The following SREK1IP1 variants were observed in gnomAD, a reference collection of about 807,000 sequenced individuals.
SREK1IP1 encodes SREK1 interacting protein 1.
Under a neutral mutation model 22.8 loss-of-function variants are expected in SREK1IP1, and 12 were observed. That is an observed-to-expected ratio of 0.53 (90% CI 0.34 to 0.85). SREK1IP1 has a LOEUF of 0.85. Ranked by LOEUF, SREK1IP1 falls within the 40% of genes least tolerant of loss-of-function variation. The pLI is 0.02. For missense variants in SREK1IP1, 147 were observed against 171.8 expected (o/e 0.86, Z 0.81); for synonymous variants, 53 against 52.7 (o/e 1.01, Z -0.02).
At chr5:64,744,357 G>T (rs1000989169) in intron 2 of SREK1IP1, among the ~76,000 whole-genome samples, 23 of 151,966 alleles carry the variant, frequency 1.5e-4, no homozygotes, top group Admixed American at 1.5e-3. Context: ...CCTTTCTTTC[G>T]TTCCTGCTTT....
intron 3 of SREK1IP1, among the ~76,000 whole-genome samples, chr5:64,738,302 A>C (rs1327193351): frequency 2.0e-5 from 3 of 152,204 alleles, no homozygotes; most frequent in Non-Finnish European, 4.4e-5. Flanking sequence ...ACATCACATT[A>C]AGAAAGGAAG....
chr5:64,743,760 G>A (rs1325209335), intron 2 of SREK1IP1, among the ~76,000 whole-genome samples: 1 of 152,056 alleles, frequency 6.6e-6, no homozygotes, highest in Non-Finnish European at 1.5e-5. Flanking sequence ...TATCTTTTTA[G>A]TTTATTGTTC....
At chr5:64,731,952 A>T in intron 3 of SREK1IP1, among the ~76,000 whole-genome samples, 1 of 152,174 alleles carries the variant, frequency 6.6e-6, no homozygotes, top group East Asian at 1.9e-4. Context: ...AAAAATGATT[A>T]AAGGCAAAGT....
At chr5:64,767,714 T>A (rs1743070167) in intron 1 of SREK1IP1, among the ~76,000 whole-genome samples, 1 of 152,174 alleles carries the variant, frequency 6.6e-6, no homozygotes, top group African/African-American at 2.4e-5. Context: ...TCTTTTCTAT[T>A]ACTAAAGTGC....
intron 1 of SREK1IP1, among the ~76,000 whole-genome samples, chr5:64,758,404 A>C (rs911193384): frequency 6.6e-6 from 1 of 152,150 alleles, no homozygotes; most frequent in African/African-American, 2.4e-5. Flanking sequence ...ATGTCATTGA[A>C]GCTTTTGAGC....
In SREK1IP1 at chr5:64,768,675, C is replaced by G. The variant is rs1284599278; in HGVS notation, c.-158G>C. 1 of 920,676 alleles carries G rather than the reference C, an allele frequency of 1.1e-6. No individual in the cohort carries two copies. Among genetic ancestry groups the G allele is most frequent in the Non-Finnish European group, 1.7e-6 (1 of 590,416 alleles). The allele number at this position is 920,676 out of a possible 1,614,324, so 57.0% of individuals were successfully genotyped here. A position where few individuals can be genotyped will look rare whatever the true frequency, so the allele number is the denominator to read the frequency against. ...GGAAGGGCCTGTACGCCTCTAGCGA[C>G]GGCAGAACCAGTAGATGCGGATGCA... On this transcript the variant is annotated 5_prime_UTR_variant, in exon 1 of 5. Transcript: ENST00000513458.
rs2112077975 is a variant in SREK1IP1, at chr5:64,718,249, GA to G, written c.*6134del. 2 of 388,240 alleles carry G rather than the reference GA, an allele frequency of 5.2e-6. No homozygotes were observed. The highest frequency in any genetic ancestry group is 9.0e-5 in the East Asian group (2 of 22,230). The allele number at this position is 388,240 out of a possible 1,614,324, so 24.0% of individuals were successfully genotyped here. On this transcript the variant is annotated 3_prime_UTR_variant, in exon 5 of 5. Transcript: ENST00000513458. ...ATTAAGATGTTTCTGTATCACATGA[GA>G]TTATGCTAATTATTCAGGAGAAATT...
chr5:64,743,603 TATAA>T (rs1742584881), intron 2 of SREK1IP1, among the ~76,000 whole-genome samples: 1 of 152,336 alleles, frequency 6.6e-6, no homozygotes, highest in Non-Finnish European at 1.5e-5. Context: ...TAATTGCTAT[TATAA>T]ATAATGTTGA....
chr5:64,745,763 C>A (rs146148225), intron 2 of SREK1IP1, among the ~76,000 whole-genome samples: 1 of 152,064 alleles, frequency 6.6e-6, no homozygotes, highest in Non-Finnish European at 1.5e-5. Flanking sequence ...TCAAGCAAAG[C>A]GACCCTAAGG....
chr5:64,727,830 G>T (rs564760832), intron 4 of SREK1IP1: 2 of 194,514 alleles, frequency 1.0e-5, no homozygotes, highest in African/African-American at 2.4e-5. Flanking sequence ...TTATAGGCAT[G>T]AGCCATCGCA....
chr5:64,737,905 C>T (rs1178640530), intron 3 of SREK1IP1, among the ~76,000 whole-genome samples: 4 of 151,922 alleles, frequency 2.6e-5, no homozygotes, highest in Admixed American at 2.6e-4. Context: ...AGGAACAGAC[C>T]AGTAACAAGT....
rs1420720139 is a variant in SREK1IP1, at chr5:64,721,496, C to T, written c.*2888G>A. 1 of 149,212 alleles carries T rather than the reference C, an allele frequency of 6.7e-6. No individual in the cohort carries two copies. Among genetic ancestry groups the T allele is most frequent in the Non-Finnish European group, 1.5e-5 (1 of 67,580 alleles). The allele number at this position is 149,212 out of a possible 1,614,324, so 9.2% of individuals were successfully genotyped here. A position where few individuals can be genotyped will look rare whatever the true frequency, so the allele number is the denominator to read the frequency against. ...TATTGTTGTTTTGACCTCAGAGAGTCAAAGATGTAAATGGAGATGTATATT... is the reference window on the plus strand; with the variant it reads ...TATTGTTGTTTTGACCTCAGAGAGTTAAAGATGTAAATGGAGATGTATATT... On this transcript the variant is annotated 3_prime_UTR_variant, in exon 5 of 5. Transcript: ENST00000513458.
Position 64,725,596 on chromosome 5 carries a change from G to A in SREK1IP1, c.279-1023C>T, listed in dbSNP as rs150625481. Among the ~76,000 whole-genome samples the A allele has an allele frequency of 7.7e-3, 1,173 of 152,210 alleles. 6 individuals carry two copies. Among genetic ancestry groups the A allele is most frequent in the Middle Eastern group, 0.041 (12 of 292 alleles). On this transcript the variant is annotated intron_variant, in intron 4 of 4. Coordinates refer to ENST00000513458, the MANE Select transcript of SREK1IP1 (RefSeq NM_173829.4). ...ACTGCCTTCCTCCTTTAGTGACTCC[G>A]AGTTTTCCCTTATTTTTGTAATGTT...
intron 3 of SREK1IP1, among the ~76,000 whole-genome samples, chr5:64,733,328 A>ACATGTATAAAGAATATCAT (rs1742408893): frequency 6.6e-6 from 1 of 152,180 alleles, no homozygotes; most frequent in Non-Finnish European, 1.5e-5. Flanking sequence ...AAGAATATCA[A>ACATGTATAAAGAATATCAT]CATGTATAAA....
chr5:64,749,283 C>G (rs753412679), intron 2 of SREK1IP1, among the ~76,000 whole-genome samples: 8 of 151,956 alleles, frequency 5.3e-5, no homozygotes, highest in Non-Finnish European at 7.4e-5. Context: ...TTAGCTCTAC[C>G]TAAAATCCTC....
Position 64,739,941 on chromosome 5 carries a change from T to C in SREK1IP1, c.205+1116A>G, listed in dbSNP as rs949840769. Among the ~76,000 whole-genome samples, 12 of 152,154 alleles carry C rather than the reference T, an allele frequency of 7.9e-5. No individual in the cohort carries two copies. The South Asian group carries it at 2.5e-3, about 31-fold the overall frequency. ...TACTGTTTAATGTTCATCGACAATC[T>C]AAACTAAAATGAATTTAAAATTTGT... On this transcript the variant is annotated intron_variant, in intron 3 of 4. Coordinates refer to ENST00000513458, the MANE Select transcript of SREK1IP1 (RefSeq NM_173829.4).
chr5:64,744,871 CTTAT>C (rs1231202492), intron 2 of SREK1IP1, among the ~76,000 whole-genome samples: 2 of 152,188 alleles, frequency 1.3e-5, no homozygotes, highest in Admixed American at 6.5e-5. Context: ...GTTGCCAATT[CTTAT>C]TTGTTTTCTT....
rs1173415879 is a variant in SREK1IP1, at chr5:64,750,887, CA to C, written c.61+3427del. On this transcript the variant is annotated intron_variant, in intron 2 of 4. Transcript: ENST00000513458. ...TAATGTTTCCCTCAGTCTATACCAA[CA>C]TTTTATACCTTAAAAAAGAAAAAAG... Among the ~76,000 whole-genome samples, 5 of 152,266 alleles carry C rather than the reference CA, an allele frequency of 3.3e-5. No homozygotes were observed. In the East Asian group the frequency reaches 5.8e-4, roughly 18 times the overall value.
At chr5:64,740,277 A>T (rs777812796) in intron 3 of SREK1IP1, among the ~76,000 whole-genome samples, 4 of 152,040 alleles carry the variant, frequency 2.6e-5, no homozygotes, top group African/African-American at 9.7e-5. Context: ...AAAATAAATG[A>T]TATCTGTTAG....
Sources: gnomAD v4.1 joint callset for allele counts (sites outside exome capture counted in the v4.1 genomes callset) on GRCh38, gnomAD v4.1.1 for gene constraint, MANE v1.5 for transcripts, NCBI Gene and HGNC (gene_info 2026-07-23, HGNC 2026-07-21) for gene names.